Variants in DAB1 observed in about 807,000 individuals in gnomAD.
DAB1 encodes disabled homolog 1.
DAB1 carries 15 observed loss-of-function variants against 64.6 expected under a neutral mutation model. The observed-to-expected ratio is 0.23, with a 90% confidence interval of 0.16 to 0.36. DAB1 has a LOEUF of 0.36. Among genes scored for constraint, DAB1 ranks in the 10% least tolerant of loss-of-function variants. DAB1 has a pLI of 1.00. For missense variants in DAB1, 596 were observed against 706.7 expected, an observed-to-expected ratio of 0.84 and a Z score of 1.78; for synonymous variants, 235 against 251.9, an observed-to-expected ratio of 0.93 and a Z score of 0.64.
intron 3 of DAB1, among the ~76,000 whole-genome samples, chr1:58,357,270 C>G (rs769672179): frequency 6.6e-6 from 1 of 152,034 alleles, no homozygotes; most frequent in Admixed American, 6.6e-5. Context: ...AATGGGAAAA[C>G]TGATAGAGTC....
rs147943795 is a variant in DAB1, at chr1:57,219,506, C to T, written c.67+71458G>A. Among the ~76,000 whole-genome samples the T allele has an allele frequency of 6.0e-3, 914 of 152,338 alleles. 10 individuals are homozygous for T. Among genetic ancestry groups the T allele is most frequent in the Non-Finnish European group, 9.5e-3 (644 of 68,032 alleles). ...ACCCTAAGGTGATCCCACTGAGCCACACCCTTGAGGGCTAGGGGAACCTGA... is the reference window on the plus strand; with the variant it reads ...ACCCTAAGGTGATCCCACTGAGCCATACCCTTGAGGGCTAGGGGAACCTGA... On this transcript the variant is annotated intron_variant, in intron 2 of 14. Transcript: ENST00000371236.
intron 1 of DAB1, among the ~76,000 whole-genome samples, chr1:57,330,931 G>T (rs267651): frequency 0.44 from 67,367 of 151,774 alleles, 15,425 homozygotes; most frequent in African/African-American, 0.49. Flanking sequence ...TCTCATCTCT[G>T]TAGAGCCACC....
chr1:57,402,787 G>A (rs972446881), intron 1 of DAB1, among the ~76,000 whole-genome samples: 1 of 152,192 alleles, frequency 6.6e-6, no homozygotes, highest in Non-Finnish European at 1.5e-5. Context: ...AGACCAGACA[G>A]AATCCAAACA....
intron 3 of DAB1, among the ~76,000 whole-genome samples, chr1:58,404,650 G>C (rs971354126): frequency 1.3e-5 from 2 of 152,178 alleles, no homozygotes; most frequent in South Asian, 2.1e-4. Context: ...GTGGGAAGCT[G>C]TGTGTTACAA....
At chr1:58,074,564 G>GTGTGTGTGTATATATATATATATA (rs1332531604) in intron 5 of DAB1, 41 of 91,622 alleles carry the variant, frequency 4.5e-4, no homozygotes, top group Non-Finnish European at 7.9e-4. Flanking sequence ...ATATATGTGT[G>GTGTGTGTGTATATATATATATATA]TATATATATA....
intron 5 of DAB1, among the ~76,000 whole-genome samples, chr1:57,908,418 G>A (rs1202799): frequency 0.19 from 29,205 of 152,120 alleles, 3,279 homozygotes; most frequent in Admixed American, 0.27. Context: ...CTTAACGCTA[G>A]AGAGAAGAGA....
At chr1:57,941,892 G>A (rs1645111671) in intron 5 of DAB1, among the ~76,000 whole-genome samples, 1 of 152,096 alleles carries the variant, frequency 6.6e-6, no homozygotes, top group Admixed American at 6.5e-5. Flanking sequence ...TAATAAGTTT[G>A]GAAAACTGAA....
intron 4 of DAB1, among the ~76,000 whole-genome samples, chr1:57,099,041 G>C (rs1654427797): frequency 1.3e-5 from 2 of 152,202 alleles, no homozygotes; most frequent in Non-Finnish European, 1.5e-5. Context: ...GGTTGGGAGA[G>C]CCAAGGTAGC....
chr1:57,057,846 G>A (rs945543108), intron 9 of DAB1, among the ~76,000 whole-genome samples: 103 of 152,140 alleles, frequency 6.8e-4, no homozygotes, highest in Middle Eastern at 6.8e-3. Context: ...CTGACCTCCT[G>A]ATCCGCCCGC....
At chr1:58,371,501 AAAAT>A (rs1234878968) in intron 3 of DAB1, among the ~76,000 whole-genome samples, 1 of 152,214 alleles carries the variant, frequency 6.6e-6, no homozygotes, top group Non-Finnish European at 1.5e-5. Flanking sequence ...CATATGGTAG[AAAAT>A]AAAAACCCAT....
intron 3 of DAB1, among the ~76,000 whole-genome samples, chr1:58,459,055 G>A (rs1408403747): frequency 1.3e-5 from 2 of 152,212 alleles, no homozygotes; most frequent in African/African-American, 4.8e-5. Context: ...TAAGAAAGCT[G>A]AGTGTAAGAT....
At chr1:57,180,607 C>T (rs2100966102) in intron 2 of DAB1, among the ~76,000 whole-genome samples, 1 of 152,164 alleles carries the variant, frequency 6.6e-6, no homozygotes, top group Non-Finnish European at 1.5e-5. Flanking sequence ...TCCTAGATAA[C>T]AATGACAAAA....
intron 2 of DAB1, among the ~76,000 whole-genome samples, chr1:57,154,996 T>C (rs1660069610): frequency 1.3e-5 from 2 of 152,222 alleles, no homozygotes; most frequent in African/African-American, 4.8e-5. Flanking sequence ...GTCTTTACTT[T>C]CCTGTGCTGT....
intron 4 of DAB1, among the ~76,000 whole-genome samples, chr1:58,189,338 T>C (rs1330834087): frequency 6.6e-6 from 1 of 152,228 alleles, no homozygotes; most frequent in Non-Finnish European, 1.5e-5. Flanking sequence ...ATAAGGTTTA[T>C]TTAATTTTAT....
intron 6 of DAB1, among the ~76,000 whole-genome samples, chr1:57,778,245 T>C (rs1238759500): frequency 1.3e-5 from 2 of 152,006 alleles, no homozygotes; most frequent in Admixed American, 6.6e-5. Flanking sequence ...ATCATATGCA[T>C]ATTTCTGGAG....
rs75791698 is a variant in DAB1 at position 57,632,442 on chromosome 1, T to C, written n.625+17150A>G. Among the ~76,000 whole-genome samples, 1,015 of 152,290 alleles carry C rather than the reference T, an allele frequency of 6.7e-3. 11 individuals carry two copies. The highest frequency in any genetic ancestry group is 0.023 in the African/African-American group (936 of 41,544). Reference sequence around the variant, plus strand: ...GAAAGGTGTCAGTATCAGTACTCTATGAGACTAGAAGCAGAGAGGAAAGTG... The same window carrying C: ...GAAAGGTGTCAGTATCAGTACTCTACGAGACTAGAAGCAGAGAGGAAAGTG... On this transcript the variant is annotated intron_variant and non_coding_transcript_variant, in intron 7 of 20. Transcript: ENST00000485760.
At chr1:58,513,119 T>C (rs1000050618) in intron 2 of DAB1, among the ~76,000 whole-genome samples, 7 of 152,080 alleles carry the variant, frequency 4.6e-5, no homozygotes, top group African/African-American at 1.7e-4. Flanking sequence ...AGGGAGGGAC[T>C]TGGTAGGAGG....
intron 3 of DAB1, among the ~76,000 whole-genome samples, chr1:58,375,903 A>C (rs1644319755): frequency 7.0e-6 from 1 of 143,686 alleles, no homozygotes; most frequent in Admixed American, 6.9e-5. Flanking sequence ...TTCCTGGTTT[A>C]GTCTTGGGAG....
chr1:58,028,487 A>G (rs1646926482), intron 5 of DAB1, among the ~76,000 whole-genome samples: 1 of 152,202 alleles, frequency 6.6e-6, no homozygotes, highest in South Asian at 2.1e-4. Context: ...CAGCTTCAGT[A>G]CTATGTCTAG....
Sources: allele counts gnomAD v4.1 joint callset (sites outside exome capture counted in the v4.1 genomes callset), GRCh38; gene constraint gnomAD v4.1.1; transcripts MANE v1.5; gene names NCBI Gene and HGNC (gene_info 2026-07-23, HGNC 2026-07-21).